Variants in ALS2 observed in about 807,000 individuals in gnomAD.
ALS2 encodes the protein alsin Rho guanine nucleotide exchange factor ALS2.
In ALS2, 117 loss-of-function variants were observed where a neutral mutation model predicts 203.4. The observed-to-expected ratio is 0.58, with a 90% CI of 0.50 to 0.67. The LOEUF is 0.67. Among genes scored for constraint, ALS2 ranks in the 30% least tolerant of loss-of-function variants. The pLI is 0.00. For synonymous variants in ALS2, 718 were observed against 725.9 expected (o/e 0.99, Z 0.17); for missense variants, 1,715 against 1,989.4 (o/e 0.86, Z 2.62).
intron 8 of ALS2, 30 bp downstream of exon 8, chr2:201,749,682 A>G (rs777896945): frequency 9.0e-6 from 14 of 1,563,794 alleles, no homozygotes; most frequent in Non-Finnish European, 1.1e-5. Context: ...AGAATTGTGG[A>G]ATAAGTTGCT....
At chr2:201,727,324 C>T (rs1431443110) in intron 16 of ALS2, 46 bp from the exon 17 acceptor site, 3 of 1,430,240 alleles carry the variant, frequency 2.1e-6, no homozygotes, top group Admixed American at 1.7e-5. Context: ...AACAACCTGT[C>T]ATTACAGTAT....
At chr2:201,735,788 AG>A (rs1444978966) in intron 12 of ALS2, among the ~76,000 whole-genome samples, 1 of 152,218 alleles carries the variant, frequency 6.6e-6, no homozygotes, top group African/African-American at 2.4e-5. Context: ...CAGCAGAATA[AG>A]GAACCAGGGT....
rs189254609 is a variant in ALS2, at chr2:201,761,486, C to T, written c.508G>A (p.Glu170Lys). Residue 170 changes from glutamate (E) to lysine (K), a missense_variant, in exon 4 of 34, where the codon GAG becomes AAG. Physicochemically the swap from Glu to Lys is moderately conservative, Grantham distance 56. Coordinates refer to ENST00000264276, the MANE Select transcript of ALS2 (RefSeq NM_020919.4). ...CAACCGGTACCCCATGCCCAAATCT[C>T]TCTGCTTATTGACAATGCCAGAGTG... ...EHTLALSISR[E>K]IWAWGTGCQL... 13 of 1,610,348 alleles carry T rather than the reference C, an allele frequency of 8.1e-6. No homozygotes were observed. The Admixed American group carries it at 1.7e-4, about 21-fold the overall frequency.
At chr2:201,731,608 G>A (rs1267407227) in intron 13 of ALS2, among the ~76,000 whole-genome samples, 2 of 152,056 alleles carry the variant, frequency 1.3e-5, no homozygotes, top group Non-Finnish European at 2.9e-5. Context: ...TTTATATGGA[G>A]ACATTTAAAA....
chr2:201,768,252 C>G (rs563415805), intron 2 of ALS2, among the ~76,000 whole-genome samples: 17 of 152,318 alleles, frequency 1.1e-4, no homozygotes, highest in African/African-American at 3.8e-4. Context: ...TTCTACACAT[C>G]TGATGATTTC....
intron 13 of ALS2, among the ~76,000 whole-genome samples, chr2:201,731,894 T>C (rs574189263): frequency 6.6e-6 from 1 of 152,338 alleles, no homozygotes; most frequent in East Asian, 1.9e-4. Context: ...ATTTTCATGA[T>C]AAAATGACTT....
chr2:201,780,456 T>C (rs2106123898), intron 1 of ALS2, among the ~76,000 whole-genome samples: 1 of 152,294 alleles, frequency 6.6e-6, no homozygotes, highest in East Asian at 1.9e-4. Context: ...CTCAGCAGGG[T>C]TCCAGGCCAC....
intron 2 of ALS2, among the ~76,000 whole-genome samples, chr2:201,767,768 TG>T (rs1694171442): frequency 6.7e-6 from 1 of 149,796 alleles, no homozygotes; most frequent in African/African-American, 2.5e-5. Context: ...CTCAGGAGGC[TG>T]AGGCAGGAGA....
At chr2:201,712,742 GCAGGAGAAAAGA>G (rs1690104074) in intron 25 of ALS2, among the ~76,000 whole-genome samples, 1 of 131,426 alleles carries the variant, frequency 7.6e-6, no homozygotes, top group South Asian at 2.7e-4. Flanking sequence ...ATGGAGAAAA[GCAGGAGAAAAGA>G]AAAAAAAAAA....
rs754027269 is a variant in ALS2, at chr2:201,761,261, T to A, written c.733A>T (p.Lys245Ter). 1 of 1,614,174 alleles carries A rather than the reference T, an allele frequency of 6.2e-7. No homozygotes were observed. The highest frequency in any genetic ancestry group is 8.5e-7 in the Non-Finnish European group (1 of 1,180,044). ...CSQLLITMTD[K>*]EDHVIISDSH... ...TCTGATATAATCACATGGTCTTCTTTGTCAGTCATAGTAATCAAGAGCTGG... is the reference window on the plus strand; with the variant it reads ...TCTGATATAATCACATGGTCTTCTTAGTCAGTCATAGTAATCAAGAGCTGG... Residue 245 changes from lysine (K) to a stop codon, truncating the protein, a stop_gained, in exon 4 of 34, where the codon AAA becomes TAA. Transcript: ENST00000264276. LOFTEE classifies it high-confidence loss of function.
chr2:201,757,729 G>C lies in ALS2; in HGVS notation c.1144C>G (p.His382Asp), dbSNP rs760989649. The C allele has an allele frequency of 2.1e-5, 34 of 1,611,832 alleles. 2 individuals carry two copies. In the South Asian group the frequency reaches 3.5e-4, roughly 17 times the overall value. The change falls in exon 5 of 34, where the codon CAC (histidine) becomes GAC (aspartate). Residue 382 changes from histidine to aspartate, a missense_variant. Transcript: ENST00000264276. ...PLLEEAIPNL[H>D]SPPTTSTSAL... ...GAGGTGCTTGTGGTAGGCGGGCTGTGGAGATTAGGAATTGCTTCTTCTAAA... is the reference window on the plus strand; with the variant it reads ...GAGGTGCTTGTGGTAGGCGGGCTGTCGAGATTAGGAATTGCTTCTTCTAAA...
Position 201,715,753 on chromosome 2 carries a change from C to A in ALS2, c.3923G>T (p.Gly1308Val), listed in dbSNP as rs1394602695. 2 of 1,614,082 alleles carry A rather than the reference C, an allele frequency of 1.2e-6. No homozygotes were observed. The highest frequency in any genetic ancestry group is 3.3e-5 in the Admixed American group (2 of 60,010). The change falls in exon 25 of 34, where the codon GGC becomes GTC. Residue 1308 changes from glycine (G) to valine (V), a missense_variant. By Grantham distance (109) the Gly-to-Val change is moderately radical (BLOSUM62 -3). Transcript: ENST00000264276. ...DECWRQLGCE[G>V]PGQGEVWKAW... ...TTTCCAAACTTCCCCTTGGCCTGGG[C>A]CCTCACAGCCCAGTTGGCGCCAACA...
chr2:201,701,589 A>T lies in ALS2; in HGVS notation c.*262T>A. ...CCTCTTCTTTTTTCAAATAGTAGAT[A>T]AATGGTATTTTTGGAACTTATCATA... On this transcript the variant is annotated 3_prime_UTR_variant, in exon 34 of 34. Coordinates refer to ENST00000264276, the MANE Select transcript of ALS2 (RefSeq NM_020919.4). 1 of 395,470 alleles carries T rather than the reference A, an allele frequency of 2.5e-6. No individual in the cohort carries two copies. Among genetic ancestry groups the T allele is most frequent in the Non-Finnish European group, 4.6e-6 (1 of 218,980 alleles). 24.5% of individuals were successfully genotyped at this position (395,470 alleles called of 1,614,324 possible). A position where few individuals can be genotyped will look rare whatever the true frequency, so the allele number is the denominator to read the frequency against.
intron 4 of ALS2, 50 bp downstream of exon 4, chr2:201,760,831 A>G: frequency 1.3e-6 from 2 of 1,566,768 alleles, no homozygotes; most frequent in Non-Finnish European, 1.7e-6. Flanking sequence ...AGAAAAGCCC[A>G]TACAGTTCAA....
At position 201,715,717 on chromosome 2, in the gene ALS2, T is replaced by C. The variant is rs1417148468; in HGVS notation, c.3959A>G (p.Asn1320Ser). The C allele has an allele frequency of 1.9e-6, 3 of 1,614,122 alleles. No individual in the cohort carries two copies. Among genetic ancestry groups the C allele is most frequent in the African/African-American group, 1.3e-5 (1 of 74,942 alleles). Residue 1320 changes from asparagine (N) to serine (S), a missense_variant, in exon 25 of 34, where the codon AAT becomes AGT. Asn to Ser is a conservative substitution (Grantham distance 46, BLOSUM62 1). This residue lies in a region of ALS2 where 1,227 missense variants were observed against 1,413.5 expected (regional missense o/e 0.87). Coordinates refer to ENST00000264276, the MANE Select transcript of ALS2 (RefSeq NM_020919.4). The stretch of plus-strand genomic sequence containing the variant: ...ACTGGTGGTCAAGGCCACAGCAATA[T>C]TGTCCCATGCTTTCCAAACTTCCCC... ...GQGEVWKAWD[N>S]IAVALTTSRR...
intron 24 of ALS2, among the ~76,000 whole-genome samples, chr2:201,717,108 G>A (rs185134477): frequency 6.6e-4 from 100 of 150,484 alleles, no homozygotes; most frequent in African/African-American, 2.4e-3. Context: ...TCCACTTGGG[G>A]TGTGTGTGTG....
Position 201,723,325 on chromosome 2 carries a change from C to G in ALS2, c.3624+5G>C, listed in dbSNP as rs386134186. The G allele has an allele frequency of 6.3e-7, 1 of 1,592,372 alleles. No homozygotes were observed. Among genetic ancestry groups the G allele is most frequent in the South Asian group, 1.1e-5 (1 of 90,596 alleles). Reference sequence around the variant, plus strand: ...GTAATAACTACATGCAAATATTCCACTCACCATCATTTTATTAAGGTGAAA... The same window carrying G: ...GTAATAACTACATGCAAATATTCCAGTCACCATCATTTTATTAAGGTGAAA... On this transcript the variant is annotated splice_donor_5th_base_variant and intron_variant, in intron 22 of 33. Coordinates refer to ENST00000264276, the MANE Select transcript of ALS2 (RefSeq NM_020919.4).
intron 9 of ALS2, 27 bp downstream of exon 9, chr2:201,746,539 G>T: frequency 6.2e-7 from 1 of 1,612,332 alleles, no homozygotes; most frequent in Non-Finnish European, 8.5e-7. Context: ...TACTGAATGT[G>T]GGCCTTAGGA....
intron 7 of ALS2, among the ~76,000 whole-genome samples, chr2:201,750,215 C>CAACAAT (rs1349785297): frequency 2.0e-5 from 3 of 151,284 alleles, no homozygotes; most frequent in East Asian, 1.9e-4. Context: ...ATTGAGGAGT[C>CAACAAT]AACAATAACA....
Sources: allele counts gnomAD v4.1 joint callset (sites outside exome capture counted in the v4.1 genomes callset), GRCh38; gene constraint gnomAD v4.1.1; regional missense constraint gnomAD v4.1.1; transcripts MANE v1.5; gene names NCBI Gene and HGNC (gene_info 2026-07-23, HGNC 2026-07-21).